Variants in ADGRB3 observed in about 807,000 individuals in gnomAD.
ADGRB3 encodes adhesion G protein-coupled receptor B3.
Under a neutral mutation model 193.4 loss-of-function variants are expected in ADGRB3, and 37 were observed. The observed-to-expected ratio is 0.19, with a 90% CI of 0.15 to 0.25. ADGRB3 has a LOEUF of 0.25. Among genes scored for constraint, ADGRB3 ranks in the 10% least tolerant of loss-of-function variants. ADGRB3 has a pLI of 1.00. For missense variants in ADGRB3, 1,637 were observed against 1,852.9 expected (o/e 0.88, Z 2.14); for synonymous variants, 690 against 644.2 (o/e 1.07, Z -1.08).
chr6:68,870,392 G>A (rs1400799247), intron 3 of ADGRB3, among the ~76,000 whole-genome samples: 9 of 152,160 alleles, frequency 5.9e-5, no homozygotes, highest in Admixed American at 5.9e-4. Context: ...TTATCAGCAT[G>A]TCTTGAAAAA....
chr6:68,638,985 A>C lies in ADGRB3; in HGVS notation c.310A>C (p.Lys104Gln). Residue 104 changes from lysine to glutamine, a missense_variant, in exon 3 of 32, where the codon AAG becomes CAG. Lys to Gln is a moderately conservative substitution (Grantham distance 53). This residue lies in a region of ADGRB3 where 365 missense variants were observed against 409.8 expected (regional missense o/e 0.89). Coordinates refer to ENST00000370598, the MANE Select transcript of ADGRB3 (RefSeq NM_001704.3). The stretch of plus-strand genomic sequence containing the variant: ...TGAAAAAATAAAGGATCTTTTAAGA[A>C]AGAATCATTCTATAATGCAACTCTG... ...SHEKIKDLLRKNHSIMQLCNS... is the reference protein window; with the variant it reads ...SHEKIKDLLRQNHSIMQLCNS... The C allele has an allele frequency of 6.2e-7, 1 of 1,613,930 alleles. No individual in the cohort carries two copies. The highest frequency in any genetic ancestry group is 8.5e-7 in the Non-Finnish European group (1 of 1,179,956).
intron 15 of ADGRB3, among the ~76,000 whole-genome samples, chr6:69,052,638 G>T (rs1490023203): frequency 6.6e-6 from 1 of 152,114 alleles, no homozygotes; most frequent in Non-Finnish European, 1.5e-5. Flanking sequence ...TTCATACAAA[G>T]ACAAAAATAA....
chr6:69,206,017 TAG>T (rs1305416461), intron 17 of ADGRB3, among the ~76,000 whole-genome samples: 2 of 138,040 alleles, frequency 1.4e-5, no homozygotes, highest in East Asian at 2.1e-4. Flanking sequence ...AAAATATATA[TAG>T]AGAGAGAATA....
intron 8 of ADGRB3, among the ~76,000 whole-genome samples, chr6:68,961,706 A>T (rs889007837): frequency 2.6e-5 from 4 of 152,170 alleles, no homozygotes; most frequent in Non-Finnish European, 5.9e-5. Flanking sequence ...TTTCTTTTCT[A>T]AAGAGAAAAT....
rs1033206303 is a variant in ADGRB3 at position 68,635,644 on chromosome 6, C to G, written c.-544C>G. 6.6e-6 allele frequency: 1 copy of G among 152,358 alleles called. No individual in the cohort carries two copies. Among genetic ancestry groups the G allele is most frequent in the African/African-American group, 2.4e-5 (1 of 41,432 alleles). The allele number at this position is 152,358 out of a possible 1,614,324, so 9.4% of individuals were successfully genotyped here. On this transcript the variant is annotated 5_prime_UTR_variant, in exon 1 of 32. Coordinates refer to ENST00000370598, the MANE Select transcript of ADGRB3 (RefSeq NM_001704.3). ...GTAGCTTTTATGAAACAAATCTTTG[C>G]TATTAAGCCACTTACATTTTGGGGG... is the stretch of plus-strand genomic sequence containing the variant.
In ADGRB3 at chr6:69,219,490, TATAC is replaced by T. The variant is rs1194271219; in HGVS notation, c.2481-13799_2481-13796del. Among the ~76,000 whole-genome samples the T allele has an allele frequency of 2.3e-4, 33 of 142,150 alleles. 2 individuals are homozygous for T. The highest frequency in any genetic ancestry group is 8.4e-4 in the African/African-American group (33 of 39,108). The allele number at this position is 142,150 out of a possible 152,430, so 93.3% of individuals were successfully genotyped here. A position where few individuals can be genotyped will look rare whatever the true frequency, so the allele number is the denominator to read the frequency against. ...ATATATATATATATATATATATATA[TATAC>T]GTGTGTGTGTATATAGGTATATATG... On this transcript the variant is annotated intron_variant, in intron 17 of 31. Transcript: ENST00000370598.
intron 1 of ADGRB3, 72 bp from the exon 2 acceptor site, chr6:68,637,319 C>T (rs1353448114): frequency 6.6e-6 from 1 of 152,590 alleles, no homozygotes; most frequent in Non-Finnish European, 1.5e-5. Context: ...TCCTTTGATT[C>T]AGAGAAGACC....
chr6:69,350,534 A>C (rs1243335899), intron 26 of ADGRB3, among the ~76,000 whole-genome samples: 2 of 152,150 alleles, frequency 1.3e-5, no homozygotes, highest in African/African-American at 2.4e-5. Context: ...TTTAGTAAAA[A>C]AATTGCATTT....
intron 3 of ADGRB3, among the ~76,000 whole-genome samples, chr6:68,844,260 A>G (rs1768228184): frequency 6.6e-6 from 1 of 152,102 alleles, no homozygotes; most frequent in African/African-American, 2.4e-5. Context: ...AAAGAAAAAT[A>G]TTTGCAAACT....
chr6:69,056,050 C>G (rs1476761170), intron 15 of ADGRB3, among the ~76,000 whole-genome samples: 1 of 152,052 alleles, frequency 6.6e-6, no homozygotes, highest in Admixed American at 6.6e-5. Flanking sequence ...AGGCTGGTCT[C>G]AAACTCCTGG....
At chr6:69,359,380 A>G (rs1158069388) in intron 28 of ADGRB3, among the ~76,000 whole-genome samples, 2 of 151,594 alleles carry the variant, frequency 1.3e-5, no homozygotes, top group African/African-American at 4.8e-5. Flanking sequence ...TTAAAACTGA[A>G]TTATTCTACT....
At chr6:69,006,998 T>G (rs1259999479) in intron 11 of ADGRB3, among the ~76,000 whole-genome samples, 1 of 152,144 alleles carries the variant, frequency 6.6e-6, no homozygotes, top group African/African-American at 2.4e-5. Context: ...TATAGGCTTG[T>G]AGTTAAACCT....
intron 3 of ADGRB3, among the ~76,000 whole-genome samples, chr6:68,815,905 A>G (rs1456510729): frequency 6.6e-6 from 1 of 152,028 alleles, no homozygotes; most frequent in East Asian, 1.9e-4. Context: ...ATAAAACTTT[A>G]TATCTTAAAT....
chr6:68,732,225 T>C (rs1004726782), intron 3 of ADGRB3, among the ~76,000 whole-genome samples: 1 of 151,850 alleles, frequency 6.6e-6, no homozygotes, highest in Non-Finnish European at 1.5e-5. Context: ...ATTACATAGA[T>C]AAACTGTGGC....
intron 8 of ADGRB3, among the ~76,000 whole-genome samples, chr6:68,966,971 C>T (rs751910906): frequency 4.6e-5 from 7 of 152,120 alleles, no homozygotes; most frequent in Non-Finnish European, 8.8e-5. Context: ...AAGCATAAAT[C>T]GACCTATTTT....
intron 20 of ADGRB3, among the ~76,000 whole-genome samples, chr6:69,268,818 G>A (rs55891245): frequency 0.096 from 14,623 of 152,042 alleles, 758 homozygotes; most frequent in Admixed American, 0.12. Context: ...TGGGCTGGCC[G>A]GGTCTAGGGG....
intron 31 of ADGRB3, 60 bp downstream of exon 31, chr6:69,382,995 G>A (rs750832776): frequency 1.7e-6 from 2 of 1,186,852 alleles, no homozygotes; most frequent in Admixed American, 2.0e-5. Context: ...TATTATTCCT[G>A]CCTTCCAGGA....
At chr6:69,293,238 T>TA (rs1554191132) in intron 20 of ADGRB3, among the ~76,000 whole-genome samples, 2 of 152,156 alleles carry the variant, frequency 1.3e-5, no homozygotes, top group Admixed American at 6.5e-5. Flanking sequence ...TAATGACATT[T>TA]AAAAAAATAC....
intron 3 of ADGRB3, among the ~76,000 whole-genome samples, chr6:68,655,036 G>C (rs1197688121): frequency 6.6e-6 from 1 of 151,284 alleles, no homozygotes; most frequent in African/African-American, 2.4e-5. Context: ...CATATATTAT[G>C]TATTAATAAA....
Sources: gnomAD v4.1 joint callset for allele counts (sites outside exome capture counted in the v4.1 genomes callset) on GRCh38, gnomAD v4.1.1 for gene constraint, gnomAD v4.1.1 regional missense constraint, MANE v1.5 for transcripts, NCBI Gene and HGNC (gene_info 2026-07-23, HGNC 2026-07-21) for gene names.